The following FOXP1 variants were observed in gnomAD, a reference collection of about 807,000 sequenced individuals.
The protein encoded by FOXP1 is forkhead box P1.
Under a neutral mutation model 98.2 loss-of-function variants are expected in FOXP1, and 15 were observed. The ratio of observed to expected loss-of-function variants is 0.15; its 90% CI spans 0.10 to 0.24. The LOEUF is 0.24. Ranked by LOEUF, FOXP1 falls within the 10% of genes least tolerant of loss-of-function variation. FOXP1 has a pLI of 1.00. For missense variants in FOXP1, 633 were observed against 848.5 expected (o/e 0.75, Z 3.15); for synonymous variants, 371 against 314.5 (o/e 1.18, Z -1.90).
intron 12 of FOXP1, 133 bp downstream of exon 12, chr3:71,015,415 AC>A: frequency 1.5e-6 from 1 of 653,662 alleles, no homozygotes; most frequent in East Asian, 2.9e-5. Flanking sequence ...AGTGCACTAG[AC>A]CTTGTGATTT....
intron 5 of FOXP1, among the ~76,000 whole-genome samples, chr3:71,251,557 G>T (rs1427035852): frequency 1.3e-5 from 2 of 152,182 alleles, no homozygotes; most frequent in Non-Finnish European, 2.9e-5. Flanking sequence ...AAGCGGGGGT[G>T]GTGGTCATAC....
At chr3:71,524,096 T>C (rs1189956271) in intron 2 of FOXP1, among the ~76,000 whole-genome samples, 1 of 152,188 alleles carries the variant, frequency 6.6e-6, no homozygotes, top group East Asian at 1.9e-4. Context: ...CAGACACTTT[T>C]CCAGAAGGCA....
At chr3:71,222,282 C>T (rs2065459043) in intron 5 of FOXP1, among the ~76,000 whole-genome samples, 1 of 152,186 alleles carries the variant, frequency 6.6e-6, no homozygotes, top group African/African-American at 2.4e-5. Flanking sequence ...GTAACACTGC[C>T]AAGCCCAAGA....
intron 3 of FOXP1, among the ~76,000 whole-genome samples, chr3:71,424,812 C>G (rs1056049795): frequency 6.6e-6 from 1 of 152,182 alleles, no homozygotes; most frequent in Non-Finnish European, 1.5e-5. Flanking sequence ...ACAGCCCTGG[C>G]CTTCAAGAAT....
chr3:71,001,847 T>C (rs1299366436), intron 12 of FOXP1, among the ~76,000 whole-genome samples: 1 of 152,296 alleles, frequency 6.6e-6, no homozygotes, highest in Non-Finnish European at 1.5e-5. Context: ...GTCTTGAAAA[T>C]AAAAATTCAT....
Position 70,956,672 on chromosome 3 carries a change from G to A in FOXP1, c.*2575C>T, listed in dbSNP as rs528887649. On this transcript the variant is annotated 3_prime_UTR_variant, in exon 21 of 21. Coordinates refer to ENST00000649528, the MANE Select transcript of FOXP1 (RefSeq NM_001349338.3). ...GCAACCACTCAGTTTAGAAGCACAG[G>A]GCCCCCTTCCCATGACCCTGTCTGG... 15 of 197,234 alleles carry A rather than the reference G, an allele frequency of 7.6e-5. No individual in the cohort carries two copies. In the East Asian group the frequency reaches 1.2e-3, roughly 16 times the overall value. 12.2% of individuals were successfully genotyped at this position (197,234 alleles called of 1,614,324 possible).
intron 2 of FOXP1, among the ~76,000 whole-genome samples, chr3:71,512,562 T>C (rs2042276720): frequency 6.6e-6 from 1 of 152,152 alleles, no homozygotes; most frequent in Non-Finnish European, 1.5e-5. Flanking sequence ...AGAAAAGCAA[T>C]AGTAGTCCTC....
intron 3 of FOXP1, among the ~76,000 whole-genome samples, chr3:71,452,363 G>A (rs1328067985): frequency 6.6e-6 from 1 of 152,100 alleles, no homozygotes; most frequent in Non-Finnish European, 1.5e-5. Context: ...TTCTGTTGCA[G>A]CTATGTTTAT....
At chr3:71,210,048 A>G (rs563803181) in intron 5 of FOXP1, among the ~76,000 whole-genome samples, 82 of 152,348 alleles carry the variant, frequency 5.4e-4, no homozygotes, top group Non-Finnish European at 5.6e-4. Context: ...AGAAAAGGAT[A>G]TTAAAAAAAT....
At chr3:71,111,849 T>G (rs2057957577) in intron 7 of FOXP1, among the ~76,000 whole-genome samples, 1 of 152,180 alleles carries the variant, frequency 6.6e-6, no homozygotes, top group African/African-American at 2.4e-5. Flanking sequence ...CTAGAAACAT[T>G]CTGAACATAT....
At chr3:71,068,931 A>G (rs1267197892) in intron 7 of FOXP1, among the ~76,000 whole-genome samples, 1 of 152,198 alleles carries the variant, frequency 6.6e-6, no homozygotes, top group East Asian at 1.9e-4. Flanking sequence ...CATTCCTGAG[A>G]TCTGGGGATT....
chr3:71,043,609 G>A (rs1043785577), intron 10 of FOXP1, among the ~76,000 whole-genome samples: 4 of 152,122 alleles, frequency 2.6e-5, no homozygotes, highest in African/African-American at 9.7e-5. Flanking sequence ...AACCACACAA[G>A]TCAACATCTA....
At chr3:71,378,986 G>A (rs1360787285) in intron 3 of FOXP1, among the ~76,000 whole-genome samples, 2 of 152,024 alleles carry the variant, frequency 1.3e-5, no homozygotes, top group South Asian at 2.1e-4. Flanking sequence ...AAATATTTAC[G>A]TTTTGGCTAA....
chr3:71,465,746 C>T (rs2088644404), intron 3 of FOXP1, among the ~76,000 whole-genome samples: 1 of 152,186 alleles, frequency 6.6e-6, no homozygotes. Flanking sequence ...GCCACAGACA[C>T]GTACCAGCCC....
chr3:71,160,160 T>G (rs1235500703), intron 6 of FOXP1, among the ~76,000 whole-genome samples: 1 of 152,186 alleles, frequency 6.6e-6, no homozygotes, highest in African/African-American at 2.4e-5. Flanking sequence ...CGGCTGGTTT[T>G]CAATTGACAC....
At chr3:71,146,991 G>A (rs1323458381) in intron 6 of FOXP1, among the ~76,000 whole-genome samples, 1 of 152,222 alleles carries the variant, frequency 6.6e-6, no homozygotes, top group Non-Finnish European at 1.5e-5. Context: ...GCCTTTGAAT[G>A]GTCCCCCACA....
intron 20 of FOXP1, among the ~76,000 whole-genome samples, chr3:70,961,422 G>A (rs1430760942): frequency 6.6e-6 from 1 of 150,748 alleles, no homozygotes; most frequent in East Asian, 2.0e-4. Flanking sequence ...GTACAGATGA[G>A]GTTTCACCAT....
rs190489340 is a variant in FOXP1, at chr3:70,957,970, C to A, written c.*1277G>T. Reference sequence around the variant, plus strand: ...GCCGCCGCCACCCCTACTTTCAGGGCAGCTGCTCGGGGAAGCCGGTTTTTT... The same window carrying A: ...GCCGCCGCCACCCCTACTTTCAGGGAAGCTGCTCGGGGAAGCCGGTTTTTT... On this transcript the variant is annotated 3_prime_UTR_variant, in exon 21 of 21. Transcript: ENST00000649528. 993 of 246,594 alleles carry A rather than the reference C, an allele frequency of 4.0e-3. 11 individuals are homozygous for A. The highest frequency in any genetic ancestry group is 0.02 in the African/African-American group (921 of 45,446). 15.3% of individuals were successfully genotyped at this position (246,594 alleles called of 1,614,324 possible). A position where few individuals can be genotyped will look rare whatever the true frequency, so the allele number is the denominator to read the frequency against.
intron 3 of FOXP1, among the ~76,000 whole-genome samples, chr3:71,434,926 G>A (rs769737806): frequency 2.6e-5 from 4 of 151,858 alleles, no homozygotes; most frequent in Non-Finnish European, 5.9e-5. Context: ...AAAGCGCTTG[G>A]CTAACAGGCC....
Sources: gnomAD v4.1 joint callset for allele counts (sites outside exome capture counted in the v4.1 genomes callset) on GRCh38, gnomAD v4.1.1 for gene constraint, MANE v1.5 for transcripts, NCBI Gene and HGNC (gene_info 2026-07-23, HGNC 2026-07-21) for gene names.